Variants in PTPRU observed in about 807,000 individuals in gnomAD.
PTPRU encodes the protein protein tyrosine phosphatase receptor type U.
In PTPRU, 69 loss-of-function variants were observed where a neutral mutation model predicts 166.3. The ratio of observed to expected loss-of-function variants is 0.41; its 90% CI spans 0.34 to 0.51. The LOEUF is 0.51. Among genes scored for constraint, PTPRU ranks in the 20% least tolerant of loss-of-function variants. PTPRU has a pLI of 0.09. For synonymous variants in PTPRU, 793 were observed against 814.0 expected, an observed-to-expected ratio of 0.97 and a Z score of 0.44; for missense variants, 1,657 against 2,013.7, an observed-to-expected ratio of 0.82 and a Z score of 3.39.
chr1:29,313,681 C>A (rs929502258), intron 22 of PTPRU, among the ~76,000 whole-genome samples: 1 of 152,016 alleles, frequency 6.6e-6, no homozygotes, highest in Non-Finnish European at 1.5e-5. Context: ...CATAGTGAGA[C>A]CTCATTGCTA....
intron 1 of PTPRU, among the ~76,000 whole-genome samples, chr1:29,245,278 C>G (rs867124551): frequency 3.7e-4 from 57 of 152,270 alleles, no homozygotes; most frequent in African/African-American, 1.3e-3. Flanking sequence ...TGGCTTCAGC[C>G]TTTGCCCTTG....
At chr1:29,309,365 C>T (rs768320533) in intron 18 of PTPRU, among the ~76,000 whole-genome samples, 7 of 152,078 alleles carry the variant, frequency 4.6e-5, no homozygotes, top group African/African-American at 1.4e-4. Context: ...ACCTTCTCAG[C>T]GCTCAGAGTT....
Position 29,315,639 on chromosome 1 carries a change from C to A in PTPRU, c.3363+132C>A. 1.5e-6 allele frequency: 2 copies of A among 1,325,588 alleles called. No homozygotes were observed. Among genetic ancestry groups the A allele is most frequent in the Non-Finnish European group, 2.1e-6 (2 of 951,282 alleles). The allele number at this position is 1,325,588 out of a possible 1,614,324, so 82.1% of individuals were successfully genotyped here. On this transcript the variant is annotated intron_variant, in intron 23 of 29. Coordinates refer to ENST00000373779, the MANE Select transcript of PTPRU (RefSeq NM_133178.4). This position sits in a 1 kb window ranked among gnomAD's most constrained non-coding sequence, Gnocchi z 4.5. Reference sequence around the variant, plus strand: ...TTGCCTTCCCTCAGATCATCCCTGACCTTGGGCCGCCAACTGCATAGGGTC... The same window carrying A: ...TTGCCTTCCCTCAGATCATCCCTGAACTTGGGCCGCCAACTGCATAGGGTC...
chr1:29,308,397 C>T (rs12740091), intron 18 of PTPRU, among the ~76,000 whole-genome samples: 23,488 of 149,748 alleles, frequency 0.16, 2,393 homozygotes, highest in African/African-American at 0.28. Context: ...AGTGAGATTG[C>T]CTCTACAAAA....
At chr1:29,284,084 T>C in intron 13 of PTPRU, 108 bp downstream of exon 13, 1 of 1,417,550 alleles carries the variant, frequency 7.1e-7, no homozygotes, top group East Asian at 2.3e-5. Context: ...AGGAGGGTGG[T>C]TGGGCAGTCC....
chr1:29,301,222 T>C (rs2151961940), intron 15 of PTPRU, among the ~76,000 whole-genome samples: 1 of 152,292 alleles, frequency 6.6e-6, no homozygotes. Context: ...ATGCACTGCA[T>C]AATGAAGTTT....
chr1:29,283,609 G>T, intron 12 of PTPRU: 1 of 387,552 alleles, frequency 2.6e-6, no homozygotes, highest in Non-Finnish European at 4.6e-6. Context: ...TCTGCTTCTT[G>T]CCTGGTTTCT....
In PTPRU at chr1:29,260,731, C is replaced by T. The variant is rs1408787926; in HGVS notation, c.972C>T (p.Tyr324=). ...DGPIVRKEIE[Y]RMARGPWAEV... is the part of the protein sequence containing the mutation. ...CGATCGTGCGCAAGGAGATTGAGTA[C>T]CGCATGGCGCGCGGGCCCTGGGCTG... Residue 324 remains tyrosine (Y), a synonymous_variant, in exon 7 of 30, where the codon TAC becomes TAT. Transcript: ENST00000373779. This position sits in a 1 kb window ranked among gnomAD's most constrained non-coding sequence, Gnocchi z 8.3. 2 of 1,609,542 alleles carry T rather than the reference C, an allele frequency of 1.2e-6. No individual in the cohort carries two copies. Among genetic ancestry groups the T allele is most frequent in the African/African-American group, 2.7e-5 (2 of 74,646 alleles).
intron 14 of PTPRU, chr1:29,289,695 T>C (rs1219210912): frequency 6.2e-7 from 1 of 1,614,062 alleles, no homozygotes; most frequent in Non-Finnish European, 8.5e-7. Context: ...GAGACCACTA[T>C]GCCTACTCCT....
chr1:29,284,963 C>T, intron 14 of PTPRU, 94 bp downstream of exon 14: 1 of 1,481,732 alleles, frequency 6.7e-7, no homozygotes. Flanking sequence ...GGTAGGGCAG[C>T]TGTCCTGCAG....
At position 29,259,537 on chromosome 1, in the gene PTPRU, G is replaced by T; in HGVS notation, c.648G>T (p.Ala216=). ...TCCAGTGCATGGCCGCGGGCAGAGC[G>T]GCCGAGGCCGAACGCTTCCTCTTGC... ...ASFQCMAAGR[A]AEAERFLLQR... The change falls in exon 5 of 30, where the codon GCG becomes GCT. Residue 216 remains alanine (A), a synonymous_variant. Coordinates refer to ENST00000373779, the MANE Select transcript of PTPRU (RefSeq NM_133178.4). The T allele has an allele frequency of 6.2e-7, 1 of 1,605,540 alleles. No individual in the cohort carries two copies. The highest frequency in any genetic ancestry group is 1.1e-5 in the South Asian group (1 of 90,818).
chr1:29,323,878 C>A, intron 28 of PTPRU, 90 bp downstream of exon 28: 1 of 1,442,082 alleles, frequency 6.9e-7, no homozygotes, highest in Non-Finnish European at 9.3e-7. Flanking sequence ...TTTGGCTGGA[C>A]TGCAAAGCTG....
rs2151970941 is a variant in PTPRU at position 29,320,846 on chromosome 1, G to A, written c.3828+21G>A. The stretch of plus-strand genomic sequence containing the variant: ...CCTGGGTGAGGCCTCCACTGGCCAG[G>A]CCAATGGGCCGCCTGCTCCCAGGTC... On this transcript the variant is annotated intron_variant, in intron 26 of 29. Coordinates refer to ENST00000373779, the MANE Select transcript of PTPRU (RefSeq NM_133178.4). The surrounding 1 kb of genome is among the most constrained non-coding windows in gnomAD (Gnocchi z 5.2). The A allele has an allele frequency of 6.5e-7, 1 of 1,535,942 alleles. No homozygotes were observed. The highest frequency in any genetic ancestry group is 8.8e-7 in the Non-Finnish European group (1 of 1,133,678).
chr1:29,265,214 C>T (rs981892073), intron 7 of PTPRU, among the ~76,000 whole-genome samples: 1 of 152,180 alleles, frequency 6.6e-6, no homozygotes, highest in African/African-American at 2.4e-5. Flanking sequence ...TCACCAACAA[C>T]GTATGAGTGA....
At chr1:29,264,332 T>C (rs1299805365) in intron 7 of PTPRU, among the ~76,000 whole-genome samples, 1 of 152,158 alleles carries the variant, frequency 6.6e-6, no homozygotes, top group African/African-American at 2.4e-5. Flanking sequence ...TTTTTTCTTT[T>C]GTTGTTTGTG....
chr1:29,279,679 C>T lies in PTPRU; in HGVS notation c.1765+22C>T, dbSNP rs1163583755. 2.5e-6 allele frequency: 4 copies of T among 1,606,218 alleles called. No individual in the cohort carries two copies. The highest frequency in any genetic ancestry group is 3.4e-6 in the Non-Finnish European group (4 of 1,178,252). ...TCTGGTGAGCCCCACCTGACCCGGC[C>T]CAGCCTCTTCGGAGGTGGCCCAGAA... On this transcript the variant is annotated intron_variant, in intron 10 of 29. Transcript: ENST00000373779. This position sits in a 1 kb window ranked among gnomAD's most constrained non-coding sequence, Gnocchi z 5.2.
intron 8 of PTPRU, among the ~76,000 whole-genome samples, chr1:29,277,582 T>C (rs1395108071): frequency 4.6e-5 from 7 of 152,230 alleles, no homozygotes; most frequent in Non-Finnish European, 1.0e-4. Context: ...TCTGTTGCTG[T>C]TGAATGCAGT....
intron 22 of PTPRU, among the ~76,000 whole-genome samples, chr1:29,314,217 T>A (rs1377414868): frequency 6.6e-6 from 1 of 152,212 alleles, no homozygotes; most frequent in Non-Finnish European, 1.5e-5. Context: ...GGACATTCGA[T>A]CGTATGTCTT....
chr1:29,240,040 A>G (rs2452774), intron 1 of PTPRU, among the ~76,000 whole-genome samples: 121,512 of 152,008 alleles, frequency 0.8, 49,181 homozygotes, highest in Non-Finnish European at 0.87. Flanking sequence ...TGACCTTCTT[A>G]CCAAAGACCC....
Sources: gnomAD v4.1 joint callset for allele counts (sites outside exome capture counted in the v4.1 genomes callset) on GRCh38, gnomAD v4.1.1 for gene constraint, Gnocchi (gnomAD v3.1) non-coding constraint, MANE v1.5 for transcripts, NCBI Gene and HGNC (gene_info 2026-07-23, HGNC 2026-07-21) for gene names.